AOPEP: variants seen among roughly 807,000 people sequenced by gnomAD.
AOPEP encodes aminopeptidase O (putative).
Under a neutral mutation model 98.1 loss-of-function variants are expected in AOPEP, and 77 were observed. The observed-to-expected ratio is 0.78, with a 90% CI of 0.65 to 0.95. AOPEP has a LOEUF of 0.95. Ranked by LOEUF, AOPEP falls within the 40% of genes least tolerant of loss-of-function variation. The pLI is 0.00. For synonymous variants in AOPEP, 346 were observed against 365.3 expected (o/e 0.95, Z 0.60); for missense variants, 1,024 against 1,024.7 (o/e 1.00, Z 0.01).
At chr9:95,092,082 GCA>G (rs142129948), downstream of AOPEP, among the ~76,000 whole-genome samples, 496 of 138,430 alleles carry the variant, frequency 3.6e-3, 6 homozygotes, top group South Asian at 0.052. Flanking sequence ...GTGTGTGTGT[GCA>G]CACACACACA....
chr9:95,001,522 C>T (rs920605311), intron 11 of AOPEP, among the ~76,000 whole-genome samples: 1 of 152,186 alleles, frequency 6.6e-6, no homozygotes, highest in African/African-American at 2.4e-5. Context: ...AAGCGGTCTT[C>T]CAGTTTCTCT....
intron 5 of AOPEP, among the ~76,000 whole-genome samples, chr9:94,905,311 A>G (rs3847310): frequency 0.036 from 5,542 of 152,280 alleles, 273 homozygotes; most frequent in African/African-American, 0.11. Flanking sequence ...TTTCAGTAAA[A>G]TTAAAATATT....
At chr9:94,871,741 TCA>T (rs2046373102) in intron 5 of AOPEP, among the ~76,000 whole-genome samples, 1 of 152,206 alleles carries the variant, frequency 6.6e-6, no homozygotes, top group African/African-American at 2.4e-5. Flanking sequence ...GCATGGTGGT[TCA>T]CGCCTGTAAT....
chr9:94,740,122 G>T (rs1416729232), intron 1 of AOPEP, among the ~76,000 whole-genome samples: 1 of 152,138 alleles, frequency 6.6e-6, no homozygotes. Context: ...AGAGTTGGGG[G>T]AAGCATGGGC....
chr9:95,000,139 C>A (rs1365872744), intron 11 of AOPEP, among the ~76,000 whole-genome samples: 3 of 152,038 alleles, frequency 2.0e-5, no homozygotes, highest in Non-Finnish European at 4.4e-5. Context: ...AAAACAATGA[C>A]AACAACAACT....
At chr9:95,146,074 C>G in the AOPEP span, among the ~76,000 whole-genome samples, 2 of 151,934 alleles carry the variant, frequency 1.3e-5, no homozygotes, top group Admixed American at 6.6e-5. Context: ...TGATAAGGAA[C>G]TAATGTCAAT....
At chr9:94,811,250 G>T (rs1265820060) in intron 5 of AOPEP, among the ~76,000 whole-genome samples, 1 of 152,156 alleles carries the variant, frequency 6.6e-6, no homozygotes, top group Non-Finnish European at 1.5e-5. Flanking sequence ...TAAATGACTT[G>T]TCAAGTACCA....
At chr9:94,761,122 G>T (rs928342779) in intron 2 of AOPEP, among the ~76,000 whole-genome samples, 1 of 152,200 alleles carries the variant, frequency 6.6e-6, no homozygotes, top group South Asian at 2.1e-4. Flanking sequence ...CCCCCCCAAA[G>T]CATACAAAAG....
intron 5 of AOPEP, among the ~76,000 whole-genome samples, chr9:94,861,454 A>G (rs1249381527): frequency 1.3e-5 from 2 of 152,194 alleles, no homozygotes; most frequent in East Asian, 1.9e-4. Flanking sequence ...TAGTGCCACA[A>G]TGAGTATCAG....
intron 2 of AOPEP, among the ~76,000 whole-genome samples, chr9:94,766,368 C>T (rs1473598052): frequency 6.6e-6 from 1 of 152,158 alleles, no homozygotes; most frequent in Non-Finnish European, 1.5e-5. Flanking sequence ...GAAACCCCGT[C>T]TCTACTAAAA....
the AOPEP span, among the ~76,000 whole-genome samples, chr9:95,112,452 G>A: frequency 1.3e-5 from 2 of 152,168 alleles, no homozygotes; most frequent in African/African-American, 4.8e-5. Context: ...GGACACTGCT[G>A]TCCTCCTGCC....
chr9:94,779,139 A>G (rs181488), intron 3 of AOPEP, among the ~76,000 whole-genome samples: 21,500 of 152,140 alleles, frequency 0.14, 1,676 homozygotes, highest in Admixed American at 0.19. Context: ...TCTGGGCTCT[A>G]GTGTCTTGCT....
chr9:95,123,372 G>C, the AOPEP span: 2 of 407,586 alleles, frequency 4.9e-6, no homozygotes, highest in African/African-American at 4.2e-5. Flanking sequence ...GGGTGTGGTG[G>C]CTCACACCTG....
At chr9:94,978,842 A>G (rs1158918828) in intron 10 of AOPEP, among the ~76,000 whole-genome samples, 1 of 152,078 alleles carries the variant, frequency 6.6e-6, no homozygotes, top group Non-Finnish European at 1.5e-5. Context: ...ATAAAGCAGA[A>G]CGGGGCCCGG....
intron 11 of AOPEP, among the ~76,000 whole-genome samples, chr9:94,993,311 C>T (rs1291129025): frequency 6.6e-6 from 1 of 152,074 alleles, no homozygotes; most frequent in Admixed American, 6.6e-5. Flanking sequence ...GGGGAAAAGT[C>T]CAGTGAGTCC....
chr9:94,911,375 C>T (rs921820467), intron 5 of AOPEP, among the ~76,000 whole-genome samples: 3 of 152,244 alleles, frequency 2.0e-5, no homozygotes, highest in Non-Finnish European at 2.9e-5. Context: ...GCATTCACAT[C>T]CATGCTGTCA....
the AOPEP span, among the ~76,000 whole-genome samples, chr9:95,108,737 C>A: frequency 6.6e-6 from 1 of 152,108 alleles, no homozygotes; most frequent in African/African-American, 2.4e-5. Context: ...ATAACTCTAC[C>A]ATCCAAAAAG....
intron 5 of AOPEP, chr9:94,824,122 G>GT (rs1564199777): frequency 6.6e-6 from 1 of 152,160 alleles, no homozygotes; most frequent in African/African-American, 2.4e-5. Flanking sequence ...AGGAATCACC[G>GT]TGACAGTTAT....
chr9:95,101,036 C>G, the AOPEP span: 1 of 234,294 alleles, frequency 4.3e-6, no homozygotes, highest in East Asian at 6.0e-5. Flanking sequence ...CATCCTCTAC[C>G]TTCGCCTGCC....
Sources: gnomAD v4.1 joint callset for allele counts (sites outside exome capture counted in the v4.1 genomes callset) on GRCh38, gnomAD v4.1.1 for gene constraint, MANE v1.5 for transcripts, NCBI Gene and HGNC (gene_info 2026-07-23, HGNC 2026-07-21) for gene names.